MSRA: variants seen among roughly 807,000 people sequenced by gnomAD.
MSRA encodes mitochondrial peptide methionine sulfoxide reductase.
In MSRA, 54 loss-of-function variants were observed where a neutral mutation model predicts 31.3. The ratio of observed to expected loss-of-function variants is 1.73; its 90% CI spans 1.39 to 2.17. MSRA has a LOEUF of 2.17. MSRA is among the 30% of genes most tolerant of loss of function. The probability of loss-of-function intolerance (pLI) is 0.00; values close to 1 mark genes in which losing one functional copy is unlikely to be tolerated. For synonymous variants in MSRA, 169 were observed against 116.5 expected, an observed-to-expected ratio of 1.45 and a Z score of -2.90; for missense variants, 507 against 300.9, an observed-to-expected ratio of 1.69 and a Z score of -5.07.
intron 3 of MSRA, among the ~76,000 whole-genome samples, chr8:10,297,623 A>G (rs140737430): frequency 9.1e-4 from 139 of 152,252 alleles, no homozygotes; most frequent in Non-Finnish European, 1.7e-3. Context: ...TGCACTGTGT[A>G]TTTTTACACA....
chr8:10,343,032 CACACACACACACACACACACAG>C lies in MSRA; in HGVS notation c.543+23065_543+23086del, dbSNP rs200645178. On this transcript the variant is annotated intron_variant, in intron 5 of 5. Transcript: ENST00000317173. ...CTTGCATAAGCATTACACACACACACACACACACACACACACACACAGACACACACACACACACACACATTTT... is the reference window on the plus strand; with the variant it reads ...CTTGCATAAGCATTACACACACACACACACACACACACACACACACATTTT... Among the ~76,000 whole-genome samples, 157 of 103,018 alleles carry C rather than the reference CACACACACACACACACACACAG, an allele frequency of 1.5e-3. 3 individuals carry two copies. In the East Asian group the frequency reaches 0.028, roughly 18 times the overall value. 67.6% of individuals were successfully genotyped at this position (103,018 alleles called of 152,430 possible). A position where few individuals can be genotyped will look rare whatever the true frequency, so the allele number is the denominator to read the frequency against.
chr8:10,261,357 C>A (rs1052001117), intron 3 of MSRA, among the ~76,000 whole-genome samples: 9 of 146,616 alleles, frequency 6.1e-5, no homozygotes, highest in African/African-American at 2.0e-4. Context: ...AAAATTGTTT[C>A]TGTCTTCATG....
At chr8:10,166,259 A>G (rs547233548) in intron 1 of MSRA, among the ~76,000 whole-genome samples, 31 of 152,304 alleles carry the variant, frequency 2.0e-4, no homozygotes, top group African/African-American at 7.0e-4. Flanking sequence ...GAATGAACTC[A>G]GAATATTATT....
At chr8:10,196,815 G>A (rs965555163) in intron 1 of MSRA, among the ~76,000 whole-genome samples, 6 of 151,380 alleles carry the variant, frequency 4.0e-5, no homozygotes, top group South Asian at 2.1e-4. Context: ...CAAGTAATCC[G>A]TCCACCTCGG....
chr8:10,196,398 T>G (rs1478965619), intron 1 of MSRA, among the ~76,000 whole-genome samples: 1 of 152,082 alleles, frequency 6.6e-6, no homozygotes, highest in African/African-American at 2.4e-5. Context: ...CCACAATACC[T>G]GGGGACTCTG....
intron 1 of MSRA, among the ~76,000 whole-genome samples, chr8:10,164,352 C>G (rs566915805): frequency 5.3e-5 from 8 of 152,078 alleles, no homozygotes; most frequent in South Asian, 2.1e-4. Flanking sequence ...CTGGGGCTGT[C>G]GTGTATTTTG....
intron 5 of MSRA, among the ~76,000 whole-genome samples, chr8:10,332,502 C>G (rs578227965): frequency 6.7e-6 from 1 of 148,690 alleles, no homozygotes; most frequent in Non-Finnish European, 1.5e-5. Context: ...CTTCTTAGTC[C>G]CTTTCTGTAG....
intron 1 of MSRA, among the ~76,000 whole-genome samples, chr8:10,115,925 C>A (rs529006117): frequency 3.3e-5 from 5 of 152,082 alleles, no homozygotes; most frequent in Non-Finnish European, 7.4e-5. Flanking sequence ...TGAATAAAAC[C>A]AGGTTGTGGT....
chr8:10,368,110 C>T (rs1805271608), intron 5 of MSRA, among the ~76,000 whole-genome samples: 1 of 152,140 alleles, frequency 6.6e-6, no homozygotes, highest in African/African-American at 2.4e-5. Context: ...GACCATGAGT[C>T]ATGAAGCCAT....
At chr8:10,256,727 A>G (rs1036586305) in intron 3 of MSRA, among the ~76,000 whole-genome samples, 2 of 152,184 alleles carry the variant, frequency 1.3e-5, no homozygotes, top group Admixed American at 6.5e-5. Flanking sequence ...GCATGTGTCC[A>G]TTCTTCCCTT....
intron 2 of MSRA, among the ~76,000 whole-genome samples, chr8:10,238,919 T>G (rs1812173998): frequency 6.6e-6 from 1 of 152,088 alleles, no homozygotes; most frequent in African/African-American, 2.4e-5. Context: ...ACATTCAAAT[T>G]TAAAACATCT....
intron 3 of MSRA, among the ~76,000 whole-genome samples, chr8:10,287,687 A>G (rs932298677): frequency 1.8e-4 from 27 of 152,216 alleles, no homozygotes; most frequent in Non-Finnish European, 3.1e-4. Context: ...AAATAACGAC[A>G]GGCAAAGGCA....
chr8:10,054,595 G>T lies in MSRA; in HGVS notation c.79G>T (p.Ala27Ser). The T allele has an allele frequency of 1.9e-6, 3 of 1,581,124 alleles. No individual in the cohort carries two copies. Among genetic ancestry groups the T allele is most frequent in the Non-Finnish European group, 2.6e-6 (3 of 1,164,256 alleles). ...LFPVPRMGNSASNIVSPQEAL... is the reference protein window; with the variant it reads ...LFPVPRMGNSSSNIVSPQEAL... ...TCCCGTCCCGAGGATGGGCAACTCG[G>T]CCTCGAACATCGTCAGCCCCCAGGA... Residue 27 changes from alanine (A) to serine (S), a missense_variant, in exon 1 of 6, where the codon GCC (alanine) becomes TCC (serine). Ala to Ser is a moderately conservative substitution (Grantham distance 99, BLOSUM62 1). Transcript: ENST00000317173.
chr8:10,237,853 C>G (rs1019164031), intron 2 of MSRA, among the ~76,000 whole-genome samples: 1 of 152,204 alleles, frequency 6.6e-6, no homozygotes, highest in African/African-American at 2.4e-5. Flanking sequence ...GTCTAAACCA[C>G]CATTATCTCT....
chr8:10,290,226 T>G (rs1800158301), intron 3 of MSRA, among the ~76,000 whole-genome samples: 1 of 152,170 alleles, frequency 6.6e-6, no homozygotes, highest in Non-Finnish European at 1.5e-5. Flanking sequence ...CAAGAAGCAC[T>G]GCCTGGACTG....
chr8:10,121,402 A>G (rs1801098277), intron 1 of MSRA, among the ~76,000 whole-genome samples: 1 of 152,128 alleles, frequency 6.6e-6, no homozygotes, highest in Non-Finnish European at 1.5e-5. Context: ...TACCTAAACA[A>G]CTGTGCGACT....
At chr8:10,265,143 C>G (rs893108884) in intron 3 of MSRA, among the ~76,000 whole-genome samples, 6 of 152,142 alleles carry the variant, frequency 3.9e-5, no homozygotes, top group African/African-American at 1.4e-4. Flanking sequence ...AAATTATGTC[C>G]TGGAAGAGGC....
At chr8:10,329,589 T>C (rs753103632) in intron 5 of MSRA, among the ~76,000 whole-genome samples, 1 of 152,182 alleles carries the variant, frequency 6.6e-6, no homozygotes, top group Non-Finnish European at 1.5e-5. Context: ...GATTGGAACA[T>C]GGACATTTTG....
chr8:10,369,087 A>C (rs1458287497), intron 5 of MSRA, among the ~76,000 whole-genome samples: 1 of 152,156 alleles, frequency 6.6e-6, no homozygotes, highest in African/African-American at 2.4e-5. Context: ...TTCGAGATGA[A>C]CTCTACATTC....
Sources: gnomAD v4.1 joint callset for allele counts (sites outside exome capture counted in the v4.1 genomes callset) on GRCh38, gnomAD v4.1.1 for gene constraint, MANE v1.5 for transcripts, NCBI Gene and HGNC (gene_info 2026-07-23, HGNC 2026-07-21) for gene names.